Variants in TGM6 observed in about 807,000 individuals in gnomAD.
TGM6 encodes the protein protein-glutamine gamma-glutamyltransferase 6.
A neutral mutation model predicts 77.5 loss-of-function variants in TGM6; 74 were observed. That is an observed-to-expected ratio of 0.96 (90% CI 0.79 to 1.16). TGM6 has a LOEUF of 1.16. TGM6 is among the 50% of genes most tolerant of loss of function. TGM6 has a pLI of 0.00. For missense variants in TGM6, 968 were observed against 940.2 expected (o/e 1.03, Z -0.39); for synonymous variants, 383 against 378.9 (o/e 1.01, Z -0.12).
At chr20:2,414,900 G>A (rs1192581624) in intron 9 of TGM6, among the ~76,000 whole-genome samples, 1 of 141,228 alleles carries the variant, frequency 7.1e-6, no homozygotes, top group Admixed American at 7.2e-5. Context: ...GGGGTGGGGA[G>A]GAATGGGAAG....
intron 10 of TGM6, among the ~76,000 whole-genome samples, chr20:2,418,680 G>A (rs2084834719): frequency 1.3e-5 from 2 of 152,208 alleles, no homozygotes; most frequent in Admixed American, 6.5e-5. Context: ...TGGTACATTT[G>A]CCTAAAATTT....
chr20:2,390,587 A>G (rs55810022), intron 1 of TGM6, among the ~76,000 whole-genome samples: 18,979 of 152,288 alleles, frequency 0.12, 1,505 homozygotes, highest in South Asian at 0.32. Context: ...ACTAATGAAC[A>G]AAACAGACAC....
chr20:2,424,009 A>G (rs948368204), intron 10 of TGM6, among the ~76,000 whole-genome samples: 1 of 152,254 alleles, frequency 6.6e-6, no homozygotes, highest in Non-Finnish European at 1.5e-5. Flanking sequence ...TAAAATATTC[A>G]GTAAACCATG....
At chr20:2,424,904 A>C (rs1373130831) in intron 10 of TGM6, among the ~76,000 whole-genome samples, 1 of 152,208 alleles carries the variant, frequency 6.6e-6, no homozygotes, top group Non-Finnish European at 1.5e-5. Context: ...GGAAGGCCCA[A>C]GGACAGGGAG....
intron 10 of TGM6, among the ~76,000 whole-genome samples, chr20:2,424,600 A>G (rs6048861): frequency 0.22 from 33,978 of 152,178 alleles, 3,992 homozygotes; most frequent in South Asian, 0.3. Context: ...CATATTAGCA[A>G]TAAGGCTATT....
intron 10 of TGM6, among the ~76,000 whole-genome samples, chr20:2,421,761 G>A (rs904032272): frequency 4.6e-5 from 7 of 152,182 alleles, no homozygotes; most frequent in African/African-American, 1.7e-4. Context: ...GTTTTCTGCA[G>A]TGCAGAGTTT....
intron 9 of TGM6, 42 bp downstream of exon 9, chr20:2,403,865 G>T: frequency 6.2e-7 from 1 of 1,613,540 alleles, no homozygotes; most frequent in Non-Finnish European, 8.5e-7. Flanking sequence ...CCCCCGGATG[G>T]CCCATCAGCT....
chr20:2,399,576 G>A lies in TGM6; in HGVS notation c.688G>A (p.Asp230Asn), dbSNP rs147591485. The A allele has an allele frequency of 2.7e-5, 44 of 1,612,980 alleles. No individual in the cohort carries two copies. In the Middle Eastern group the frequency reaches 5.8e-4, roughly 21 times the overall value. Residue 230 changes from aspartate to asparagine, a missense_variant, in exon 6 of 13, where the codon GAC (aspartate) becomes AAC (asparagine). Physicochemically the swap from Asp to Asn is conservative, Grantham distance 23. Transcript: ENST00000202625. The stretch of plus-strand genomic sequence containing the variant: ...CTCTGCCCAGGTGAACAGCAACAAC[G>A]ACCGAGGTGTGGTGCAAGGACAGTG... ...VISAMVNSNNDRGVVQGQWQG... is the reference protein window; with the variant it reads ...VISAMVNSNNNRGVVQGQWQG...
chr20:2,383,860 C>T (rs1176619612), intron 1 of TGM6, among the ~76,000 whole-genome samples: 4 of 152,084 alleles, frequency 2.6e-5, no homozygotes, highest in African/African-American at 7.2e-5. Context: ...GTCATCATAG[C>T]ACTTTGCGAG....
chr20:2,432,367 C>T (rs1030474004), intron 12 of TGM6, 123 bp from the exon 13 acceptor site: 2 of 1,282,126 alleles, frequency 1.6e-6, no homozygotes, highest in African/African-American at 2.9e-5. Context: ...GTTGATAAGG[C>T]TTGAATGTCA....
At position 2,432,571 on chromosome 20, in the gene TGM6, G is replaced by A. The variant is rs774141879; in HGVS notation, c.2049G>A (p.Gln683=). ...CCAAAAGTGGCCCAAGGCAGCTGCA[G>A]GTGGACCTTGTAAGCCCTCACTTCC... ...TPSKSGPRQL[Q]VDLVSPHFPD... The change falls in exon 13 of 13, where the codon CAG becomes CAA. Residue 683 remains glutamine, a synonymous_variant. Coordinates refer to ENST00000202625, the MANE Select transcript of TGM6 (RefSeq NM_198994.3). 7.4e-6 allele frequency: 12 copies of A among 1,614,020 alleles called. No homozygotes were observed. Among genetic ancestry groups the A allele is most frequent in the Non-Finnish European group, 1.0e-5 (12 of 1,180,032 alleles).
Position 2,394,598 on chromosome 20 carries a change from G to T in TGM6, c.154G>T (p.Glu52Ter), listed in dbSNP as rs1388628372. ...GCTGAGCAGAGCCCTGGACTGTGAG[G>T]AGATCCTCATCTTCACGATGGAGAC... ...LELSRALDCE[E>*]ILIFTMETGP... is the part of the protein sequence containing the mutation. The change falls in exon 2 of 13, where the codon GAG (glutamate) becomes TAG (stop). Residue 52 changes from glutamate to a stop codon, truncating the protein, a stop_gained. Coordinates refer to ENST00000202625, the MANE Select transcript of TGM6 (RefSeq NM_198994.3). LOFTEE classifies it high-confidence loss of function. 8 of 1,611,994 alleles carry T rather than the reference G, an allele frequency of 5.0e-6. No homozygotes were observed. Among genetic ancestry groups the T allele is most frequent in the Middle Eastern group, 1.9e-4 (1 of 5,172 alleles).
chr20:2,388,602 T>C (rs2084611061), intron 1 of TGM6, among the ~76,000 whole-genome samples: 1 of 137,654 alleles, frequency 7.3e-6, no homozygotes, highest in Non-Finnish European at 1.5e-5. Context: ...CAAGACCCTA[T>C]CTCAAATTAA....
intron 9 of TGM6, among the ~76,000 whole-genome samples, chr20:2,411,841 A>T (rs1599958018): frequency 6.6e-6 from 1 of 152,332 alleles, no homozygotes; most frequent in East Asian, 1.9e-4. Flanking sequence ...AAGTTTCATG[A>T]TGTTGGATTT....
intron 2 of TGM6, 30 bp from the exon 3 acceptor site, chr20:2,395,164 G>A: frequency 6.2e-7 from 1 of 1,608,452 alleles, no homozygotes; most frequent in Non-Finnish European, 8.5e-7. Flanking sequence ...CCAGGGGAAG[G>A]GTCTCCTGAT....
chr20:2,432,674 T>C lies in TGM6; in HGVS notation c.*31T>C, dbSNP rs2076652. 0.38 allele frequency: 606,703 copies of C among 1,613,206 alleles called. 119,207 individuals are homozygous for C. The highest frequency in any genetic ancestry group is 0.63 in the African/African-American group (47,176 of 74,866). ...CATGAGGGACTGAGAGGGGTGGATTTGGCCCCTGTCCTCCTCCTGCCCATT... is the reference window on the plus strand; with the variant it reads ...CATGAGGGACTGAGAGGGGTGGATTCGGCCCCTGTCCTCCTCCTGCCCATT... On this transcript the variant is annotated 3_prime_UTR_variant, in exon 13 of 13. Coordinates refer to ENST00000202625, the MANE Select transcript of TGM6 (RefSeq NM_198994.3).
intron 9 of TGM6, among the ~76,000 whole-genome samples, chr20:2,412,684 T>G (rs1322473207): frequency 6.6e-6 from 1 of 152,140 alleles, no homozygotes; most frequent in Non-Finnish European, 1.5e-5. Context: ...TCAGCAAGTT[T>G]GCAGAACACA....
At chr20:2,412,587 T>C (rs1156623040) in intron 9 of TGM6, among the ~76,000 whole-genome samples, 5 of 152,040 alleles carry the variant, frequency 3.3e-5, no homozygotes, top group Admixed American at 2.6e-4. Flanking sequence ...AATTTCCAAA[T>C]TGGAAAGAAA....
chr20:2,391,924 G>T (rs535883105), intron 1 of TGM6, among the ~76,000 whole-genome samples: 1 of 152,154 alleles, frequency 6.6e-6, no homozygotes, highest in Non-Finnish European at 1.5e-5. Flanking sequence ...GCTTCCTCCT[G>T]TCTCTCTGCC....
Sources: gnomAD v4.1 joint callset for allele counts (sites outside exome capture counted in the v4.1 genomes callset) on GRCh38, gnomAD v4.1.1 for gene constraint, MANE v1.5 for transcripts, NCBI Gene and HGNC (gene_info 2026-07-23, HGNC 2026-07-21) for gene names.